CALCOCO1: variants seen among roughly 807,000 people sequenced by gnomAD.
CALCOCO1 encodes the protein calcium binding and coiled-coil domain 1, also known as calcium-binding and coiled-coil domain-containing protein 1.
Under a neutral mutation model 86.3 loss-of-function variants are expected in CALCOCO1, and 44 were observed. The observed-to-expected ratio is 0.51, with a 90% CI of 0.40 to 0.66. CALCOCO1 has a LOEUF of 0.66. Among genes scored for constraint, CALCOCO1 ranks in the 30% least tolerant of loss-of-function variants. CALCOCO1 has a pLI of 0.00. For synonymous variants in CALCOCO1, 297 were observed against 327.6 expected (o/e 0.91, Z 1.01); for missense variants, 708 against 851.1 (o/e 0.83, Z 2.09).
intron 12 of CALCOCO1, 102 bp downstream of exon 12, chr12:53,714,031 C>A: frequency 3.0e-6 from 4 of 1,311,504 alleles, no homozygotes; most frequent in Non-Finnish European, 2.2e-6. Context: ...AGGCAAAACA[C>A]ATAGAAGGCA....
Position 53,715,915 on chromosome 12 carries a change from G to A in CALCOCO1, c.1138C>T (p.Leu380=), listed in dbSNP as rs1434515234. 1 of 1,614,218 alleles carries A rather than the reference G, an allele frequency of 6.2e-7. No homozygotes were observed. Among genetic ancestry groups the A allele is most frequent in the African/African-American group, 1.3e-5 (1 of 75,062 alleles). ...AAARDRTIAE[L]HRSRLEVAEV... ...GCCACTTCCAGGCGGCTGCGGTGTA[G>A]TTCGGCTATGGTGCGGTCCCTGGCT... The change falls in exon 9 of 15, where the codon CTA becomes TTA. Residue 380 remains leucine (L), a synonymous_variant. Coordinates refer to ENST00000550804, the MANE Select transcript of CALCOCO1 (RefSeq NM_020898.3).
rs116674128 is a variant in CALCOCO1 at position 53,713,813 on chromosome 12, G to C, written c.1679C>G (p.Pro560Arg). The change falls in exon 13 of 15, where the codon CCA becomes CGA. Residue 560 changes from proline to arginine, a missense_variant. Coordinates refer to ENST00000550804, the MANE Select transcript of CALCOCO1 (RefSeq NM_020898.3). Reference sequence around the variant, plus strand: ...TCGAGGCCCAGCAGGAGAGGAGCCTGGGTCTCCACGCTCACAAAGGCCATA... The same window carrying C: ...TCGAGGCCCAGCAGGAGAGGAGCCTCGGTCTCCACGCTCACAAAGGCCATA... Reference protein sequence around the residue: ...PPYGLCERGDPGSSPAGPREA... With the variant: ...PPYGLCERGDRGSSPAGPREA... The C allele has an allele frequency of 9.5e-5, 150 of 1,576,534 alleles. No individual in the cohort carries two copies. The African/African-American group carries it at 2.0e-3, about 21-fold the overall frequency.
In CALCOCO1 at chr12:53,715,211, CCTT is replaced by C. The variant is rs1301496452; in HGVS notation, c.1372_1374del (p.Lys458del). 1 of 1,614,146 alleles carries C rather than the reference CCTT, an allele frequency of 6.2e-7. No individual in the cohort carries two copies. Among genetic ancestry groups the C allele is most frequent in the Non-Finnish European group, 8.5e-7 (1 of 1,180,006 alleles). On this transcript the variant is annotated inframe_deletion, in exon 10 of 15. Coordinates refer to ENST00000550804, the MANE Select transcript of CALCOCO1 (RefSeq NM_020898.3). Reference sequence around the variant, plus strand: ...GCTGGATGCCTCACCAGGCTAGAATCCTTCTCCCGGGCCAGCTCAGTCTTGAAC... The same window carrying C: ...GCTGGATGCCTCACCAGGCTAGAATCCTCCCGGGCCAGCTCAGTCTTGAAC...
intron 1 of CALCOCO1, 71 bp downstream of exon 1, chr12:53,727,333 T>C (rs1421150323): frequency 4.6e-5 from 7 of 152,220 alleles, no homozygotes; most frequent in African/African-American, 1.7e-4. Context: ...TACGTTATCC[T>C]TCCCCAAACT....
chr12:53,716,288 T>A lies in CALCOCO1; in HGVS notation c.977A>T (p.Asp326Val). Residue 326 changes from aspartate to valine, a missense_variant, in exon 8 of 15, where the codon GAC (aspartate) becomes GTC (valine). By Grantham distance (152) the Asp-to-Val change is radical. Transcript: ENST00000550804. ...CCGCTGCTGGGCCTGGCCTAGGGTG[T>A]CCTTCATCTGGGCCACCTTGTCTTT... ...RLKDKVAQMK[D>V]TLGQAQQRVA... 6.2e-7 allele frequency: 1 copy of A among 1,614,146 alleles called. No individual in the cohort carries two copies. The highest frequency in any genetic ancestry group is 8.5e-7 in the Non-Finnish European group (1 of 1,180,028).
rs774541166 is a variant in CALCOCO1, at chr12:53,716,331, C to A, written c.934G>T (p.Ala312Ser). ...TTGTCTTTCAGTCGCTGAGCCTGAG[C>A]ACTCTGCTCCTCTTGCCAGCTCTTC... ...EAKSWQEEQS[A>S]QAQRLKDKVA... is the part of the protein sequence containing the mutation. Residue 312 changes from alanine to serine, a missense_variant, in exon 8 of 15, where the codon GCT (alanine) becomes TCT (serine). By Grantham distance (99) the Ala-to-Ser change is moderately conservative (BLOSUM62 1). Transcript: ENST00000550804. The A allele has an allele frequency of 1.9e-6, 3 of 1,614,206 alleles. No homozygotes were observed. The South Asian group carries it at 3.3e-5, about 18-fold the overall frequency.
At chr12:53,725,342 T>A in intron 1 of CALCOCO1, 76 bp from the exon 2 acceptor site, 1 of 938,496 alleles carries the variant, frequency 1.1e-6, no homozygotes. Flanking sequence ...CACCACACAC[T>A]CACAGCCCCT....
chr12:53,714,013 G>T, intron 12 of CALCOCO1, 113 bp from the exon 13 acceptor site: 1 of 1,317,468 alleles, frequency 7.6e-7, no homozygotes, highest in Non-Finnish European at 1.1e-6. Context: ...CAGGGTCTGG[G>T]AAAGAAAAGG....
intron 1 of CALCOCO1, chr12:53,726,182 G>C (rs1043144223): frequency 2.0e-5 from 3 of 151,620 alleles, no homozygotes; most frequent in African/African-American, 7.3e-5. Flanking sequence ...AGGGGAGATA[G>C]TTCAAAAAGA....
intron 4 of CALCOCO1, among the ~76,000 whole-genome samples, chr12:53,723,211 C>A (rs2120641452): frequency 6.6e-6 from 1 of 152,280 alleles, no homozygotes; most frequent in South Asian, 2.1e-4. Flanking sequence ...TGGGGCCTTG[C>A]CTATCTGCTC....
At chr12:53,724,278 T>C in intron 3 of CALCOCO1, 1 of 372,162 alleles carries the variant, frequency 2.7e-6, no homozygotes, top group Non-Finnish European at 5.3e-6. Flanking sequence ...CACAGGGAGG[T>C]TATGTAATTT....
chr12:53,714,580 TG>T lies in CALCOCO1; in HGVS notation c.1482+17del. 1 of 1,602,390 alleles carries T rather than the reference TG, an allele frequency of 6.2e-7. No individual in the cohort carries two copies. Among genetic ancestry groups the T allele is most frequent in the Non-Finnish European group, 8.6e-7 (1 of 1,169,312 alleles). ...CCTCACCTGTGGCATCCACGGGGCC[TG>T]GGTTATGGGTGCTCACCTGTTTCTC... On this transcript the variant is annotated intron_variant, in intron 11 of 14. Transcript: ENST00000550804.
At chr12:53,722,909 A>G (rs1422614469) in intron 4 of CALCOCO1, 1 of 431,996 alleles carries the variant, frequency 2.3e-6, no homozygotes, top group Non-Finnish European at 4.5e-6. Context: ...CGTGAGATAT[A>G]AACATCTTCC....
intron 4 of CALCOCO1, chr12:53,722,943 C>CAAAAAAAAAAAAAAAAAAAAAA (rs58897806): frequency 5.7e-6 from 1 of 174,752 alleles, no homozygotes; most frequent in Admixed American, 7.3e-5. Flanking sequence ...AAGGCTGTCT[C>CAAAAAAAAAAAAAAAAAAAAAA]AAAAAAAAAA....
intron 6 of CALCOCO1, 32 bp from the exon 7 acceptor site, chr12:53,719,861 C>A: frequency 6.9e-7 from 1 of 1,459,288 alleles, no homozygotes; most frequent in Non-Finnish European, 9.6e-7. Context: ...GTCAGACAAT[C>A]TGCTCCACCC....
intron 3 of CALCOCO1, 135 bp downstream of exon 3, chr12:53,724,510 A>C: frequency 4.3e-6 from 3 of 701,162 alleles, no homozygotes; most frequent in Non-Finnish European, 5.2e-6. Flanking sequence ...TGTTGGATAT[A>C]TTCTCATTAT....
chr12:53,715,393 G>A, intron 9 of CALCOCO1, 68 bp from the exon 10 acceptor site: 1 of 1,584,606 alleles, frequency 6.3e-7, no homozygotes. Context: ...ACTGTCAACA[G>A]CACCATCCCT....
intron 2 of CALCOCO1, 31 bp downstream of exon 2, chr12:53,725,056 A>T (rs1319115816): frequency 6.4e-7 from 1 of 1,552,302 alleles, no homozygotes; most frequent in Non-Finnish European, 8.7e-7. Context: ...CACAGCCCAT[A>T]AACCTAAGCC....
Position 53,711,981 on chromosome 12 carries a change from A to C in CALCOCO1, c.2039T>G (p.Phe680Cys). Residue 680 changes from phenylalanine to cysteine, a missense_variant, in exon 15 of 15, where the codon TTC becomes TGC. By Grantham distance (205) the Phe-to-Cys change is radical. Transcript: ENST00000550804. ...GAAGGGGTCCTGGGTGCTGAAAAAG[A>C]AGTGTCCATCCATGTGGTCCTCCAG... ...DALEDHMDGH[F>C]FFSTQDPFTF... 1.3e-6 allele frequency: 2 copies of C among 1,596,970 alleles called. No homozygotes were observed. Among genetic ancestry groups the C allele is most frequent in the Non-Finnish European group, 1.7e-6 (2 of 1,172,290 alleles).
Sources: allele counts gnomAD v4.1 joint callset (sites outside exome capture counted in the v4.1 genomes callset), GRCh38; gene constraint gnomAD v4.1.1; transcripts MANE v1.5; gene names NCBI Gene and HGNC (gene_info 2026-07-23, HGNC 2026-07-21).